Variants in PRKN observed in about 807,000 individuals in gnomAD.
PRKN encodes parkin RBR E3 ubiquitin protein ligase, also known as E3 ubiquitin-protein ligase parkin.
PRKN carries 56 observed loss-of-function variants against 59.5 expected under a neutral mutation model. The ratio of observed to expected loss-of-function variants is 0.94; its 90% CI spans 0.76 to 1.18. The LOEUF is 1.18. Ranked by LOEUF, PRKN falls within the 50% of genes most tolerant of loss-of-function variation. PRKN has a pLI of 0.00. For synonymous variants in PRKN, 250 were observed against 222.1 expected, an observed-to-expected ratio of 1.13 and a Z score of -1.12; for missense variants, 657 against 596.4, an observed-to-expected ratio of 1.10 and a Z score of -1.06.
chr6:161,830,542 G>C (rs112712428), intron 6 of PRKN, among the ~76,000 whole-genome samples: 10,465 of 152,088 alleles, frequency 0.069, 469 homozygotes, highest in East Asian at 0.15. Context: ...GTGAGCCCCC[G>C]CACCCGGCCC....
In PRKN at chr6:161,466,622, T is replaced by C. The variant is rs1438556036; in HGVS notation, c.1084-79745A>G. Among the ~76,000 whole-genome samples the C allele has an allele frequency of 6.6e-6, 1 of 152,182 alleles. No individual in the cohort carries two copies. The highest frequency in any genetic ancestry group is 1.9e-4 in the East Asian group (1 of 5,184). ...AGTACATCTCTGAGATTTGCCATCCTCTCTGGTAAGGACTGCACTCAAAGT... is the reference window on the plus strand; with the variant it reads ...AGTACATCTCTGAGATTTGCCATCCCCTCTGGTAAGGACTGCACTCAAAGT... On this transcript the variant is annotated intron_variant, in intron 9 of 11. Coordinates refer to ENST00000366898, the MANE Select transcript of PRKN (RefSeq NM_004562.3). This position sits in a 1 kb window ranked among gnomAD's most constrained non-coding sequence, Gnocchi z 5.0.
intron 3 of PRKN, among the ~76,000 whole-genome samples, chr6:162,210,049 A>G (rs1375726560): frequency 9.2e-5 from 14 of 151,760 alleles, no homozygotes; most frequent in African/African-American, 2.4e-5. Flanking sequence ...TGGCATATGT[A>G]TATGTATCAA....
At chr6:162,214,838 T>G (rs1777568459) in intron 3 of PRKN, among the ~76,000 whole-genome samples, 1 of 152,212 alleles carries the variant, frequency 6.6e-6, no homozygotes, top group African/African-American at 2.4e-5. Context: ...GTGTTCACTT[T>G]ATATTTGCTT....
intron 7 of PRKN, among the ~76,000 whole-genome samples, chr6:161,637,656 T>C (rs1783575277): frequency 6.6e-6 from 1 of 151,236 alleles, no homozygotes; most frequent in Non-Finnish European, 1.5e-5. Flanking sequence ...CCTCTTCAGG[T>C]AGTAGAGCTT....
chr6:162,185,694 A>T, intron 4 of PRKN, among the ~76,000 whole-genome samples: 1 of 152,212 alleles, frequency 6.6e-6, no homozygotes. Context: ...GGAATTTAAT[A>T]GATGGCTGGA....
At chr6:162,352,870 C>T (rs985213555) in intron 2 of PRKN, among the ~76,000 whole-genome samples, 1 of 152,034 alleles carries the variant, frequency 6.6e-6, no homozygotes, top group Non-Finnish European at 1.5e-5. Context: ...TTACATGGCA[C>T]CTATAATGGC....
chr6:162,399,082 C>T (rs9356012), intron 2 of PRKN, among the ~76,000 whole-genome samples: 10,657 of 152,126 alleles, frequency 0.07, 389 homozygotes, highest in South Asian at 0.13. Flanking sequence ...CAAGAGGGGA[C>T]GGAAAAACAG....
intron 3 of PRKN, among the ~76,000 whole-genome samples, chr6:162,235,981 GAA>G (rs777443289): frequency 9.5e-6 from 1 of 105,316 alleles, no homozygotes; most frequent in African/African-American, 3.9e-5. Context: ...AAGAAAGAAA[GAA>G]AGAAAGAAAG....
intron 6 of PRKN, among the ~76,000 whole-genome samples, chr6:161,875,518 A>C (rs73603175): frequency 0.052 from 7,973 of 151,982 alleles, 676 homozygotes; most frequent in African/African-American, 0.18. Flanking sequence ...TCTCATCAGC[A>C]CCTGTCAACT....
At chr6:162,611,407 C>G (rs906734829) in intron 1 of PRKN, among the ~76,000 whole-genome samples, 3 of 152,182 alleles carry the variant, frequency 2.0e-5, no homozygotes, top group East Asian at 3.9e-4. Context: ...CAACATACAA[C>G]TAGCAGAACT....
chr6:162,506,480 A>G (rs539053500), intron 1 of PRKN, among the ~76,000 whole-genome samples: 1 of 152,284 alleles, frequency 6.6e-6, no homozygotes, highest in South Asian at 2.1e-4. Context: ...GAGATCTTGG[A>G]GAAAGTCTAT....
chr6:162,293,194 C>A lies in PRKN; in HGVS notation c.172-30429G>T, dbSNP rs551911713. Among the ~76,000 whole-genome samples, 3 of 152,242 alleles carry A rather than the reference C, an allele frequency of 2.0e-5. No individual in the cohort carries two copies. The East Asian group carries it at 5.8e-4, about 30-fold the overall frequency. On this transcript the variant is annotated intron_variant, in intron 2 of 11. Coordinates refer to ENST00000366898, the MANE Select transcript of PRKN (RefSeq NM_004562.3). ...TCAGTAGAGGCCAATAAGACAGAAG[C>A]CAACAGGAAATTAGACTTCCCTTCT... is the stretch of plus-strand genomic sequence containing the variant.
intron 1 of PRKN, among the ~76,000 whole-genome samples, chr6:162,622,420 G>A (rs1247573072): frequency 1.3e-5 from 2 of 151,998 alleles, no homozygotes; most frequent in African/African-American, 4.8e-5. Context: ...CTCGCCTCAG[G>A]TCATCTGCCC....
Position 161,409,111 on chromosome 6 carries a change from A to G in PRKN, c.1084-22234T>C, listed in dbSNP as rs1787409373. Among the ~76,000 whole-genome samples, 1 of 152,024 alleles carries G rather than the reference A, an allele frequency of 6.6e-6. No homozygotes were observed. Among genetic ancestry groups the G allele is most frequent in the Middle Eastern group, 3.4e-3 (1 of 294 alleles). ...CAGGCTCCCATCACCATGCCCAGCT[A>G]ATTTTTGTACTTTTAGTAGAGATGG... On this transcript the variant is annotated intron_variant, in intron 9 of 11. Coordinates refer to ENST00000366898, the MANE Select transcript of PRKN (RefSeq NM_004562.3). The surrounding 1 kb of genome is among the most constrained non-coding windows in gnomAD (Gnocchi z 4.6).
At chr6:161,506,145 T>C (rs562548778) in intron 9 of PRKN, among the ~76,000 whole-genome samples, 10,943 of 149,864 alleles carry the variant, frequency 0.073, 541 homozygotes, top group African/African-American at 0.14. Context: ...ATATTGATTC[T>C]TCCTACCCAC....
intron 2 of PRKN, among the ~76,000 whole-genome samples, chr6:162,437,591 C>T (rs553426575): frequency 1.3e-5 from 2 of 152,276 alleles, no homozygotes; most frequent in South Asian, 2.1e-4. Context: ...CTGCTTCCAC[C>T]CCCTTCAGAA....
chr6:161,350,622 A>T (rs1156379590), intron 11 of PRKN, among the ~76,000 whole-genome samples: 12 of 122,356 alleles, frequency 9.8e-5, no homozygotes, highest in Admixed American at 4.1e-4. Context: ...AAATATATAT[A>T]TTTTTATATA....
intron 6 of PRKN, among the ~76,000 whole-genome samples, chr6:161,787,137 G>A (rs974804525): frequency 2.4e-4 from 36 of 152,166 alleles, no homozygotes; most frequent in African/African-American, 8.7e-4. Flanking sequence ...GCCTATAAGA[G>A]CTCTTCAAAA....
chr6:162,519,896 T>C (rs1778017543), intron 1 of PRKN, among the ~76,000 whole-genome samples: 1 of 152,176 alleles, frequency 6.6e-6, no homozygotes, highest in Non-Finnish European at 1.5e-5. Flanking sequence ...ATTCACAAAT[T>C]GCATTCTGTG....
Sources: allele counts gnomAD v4.1 joint callset (sites outside exome capture counted in the v4.1 genomes callset), GRCh38; gene constraint gnomAD v4.1.1; non-coding constraint Gnocchi (gnomAD v3.1); transcripts MANE v1.5; gene names NCBI Gene and HGNC (gene_info 2026-07-23, HGNC 2026-07-21).